The following CDKL3 variants were observed in gnomAD, a reference collection of about 807,000 sequenced individuals.
CDKL3 encodes the protein cyclin dependent kinase like 3, also known as cyclin-dependent kinase-like 3.
In CDKL3, 65 loss-of-function variants were observed where a neutral mutation model predicts 69.3. That is an observed-to-expected ratio of 0.94 (90% CI 0.77 to 1.15). CDKL3 has a LOEUF of 1.15. Ranked by LOEUF, CDKL3 falls within the 50% of genes most tolerant of loss-of-function variation. The pLI is 0.00. For synonymous variants in CDKL3, 202 were observed against 221.6 expected, an observed-to-expected ratio of 0.91 and a Z score of 0.79; for missense variants, 652 against 689.2, an observed-to-expected ratio of 0.95 and a Z score of 0.61.
At chr5:134,350,005 T>A (rs552835608) in intron 4 of CDKL3, among the ~76,000 whole-genome samples, 1 of 151,962 alleles carries the variant, frequency 6.6e-6, no homozygotes, top group African/African-American at 2.4e-5. Flanking sequence ...CTGACCAATA[T>A]TGTGAAACCC....
intron 3 of CDKL3, among the ~76,000 whole-genome samples, chr5:134,354,418 A>T (rs1297813130): frequency 6.6e-6 from 1 of 152,238 alleles, no homozygotes; most frequent in African/African-American, 2.4e-5. Context: ...ACAACTTACT[A>T]CCATAAATCT....
chr5:134,345,203 T>A (rs1287116102), intron 4 of CDKL3, among the ~76,000 whole-genome samples: 4 of 152,102 alleles, frequency 2.6e-5, no homozygotes, highest in Admixed American at 6.6e-5. Context: ...GAAAACTGAC[T>A]GGTGATGGTA....
At chr5:134,328,593 A>G (rs1476440431) in intron 4 of CDKL3, among the ~76,000 whole-genome samples, 4 of 152,134 alleles carry the variant, frequency 2.6e-5, no homozygotes, top group South Asian at 2.1e-4. Flanking sequence ...GAGTGGGGAG[A>G]ATAGAAAAAT....
downstream of CDKL3, among the ~76,000 whole-genome samples, chr5:134,284,834 T>A (rs1764787372): frequency 6.6e-6 from 1 of 152,208 alleles, no homozygotes; most frequent in African/African-American, 2.4e-5. Context: ...GACCTTATGG[T>A]TATCTCCCTT....
intron 12 of CDKL3, among the ~76,000 whole-genome samples, chr5:134,300,976 G>A (rs1269013136): frequency 6.6e-6 from 1 of 151,880 alleles, no homozygotes; most frequent in Non-Finnish European, 1.5e-5. Context: ...TTTTTATAAT[G>A]AACCGAAAGA....
Position 134,319,414 on chromosome 5 carries a change from T to C in CDKL3, c.736A>G (p.Lys246Glu). The change falls in exon 6 of 13, where the codon AAA (lysine) becomes GAA (glutamate). Residue 246 changes from lysine (K) to glutamate (E), a missense_variant. Lys to Glu is a moderately conservative substitution (Grantham distance 56). Transcript: ENST00000265334. ...TTTGGATATTTTTTTCTTGCATTTT[T>C]GGGGTGTTGAACTTGAGGAAGAACT... The part of the protein sequence containing the change: ...GVVLPQVQHP[K>E]NARKKYPKLN... 6.5e-7 allele frequency: 1 copy of C among 1,543,104 alleles called. No individual in the cohort carries two copies. Among genetic ancestry groups the C allele is most frequent in the Non-Finnish European group, 8.7e-7 (1 of 1,144,508 alleles).
chr5:134,303,901 T>TA (rs946903200), intron 11 of CDKL3, among the ~76,000 whole-genome samples: 4 of 151,854 alleles, frequency 2.6e-5, no homozygotes, highest in African/African-American at 9.7e-5. Context: ...AAAGCTGTCT[T>TA]AACCTCTCTT....
upstream of CDKL3, chr5:134,371,512 A>T: frequency 7.0e-7 from 1 of 1,423,614 alleles, no homozygotes; most frequent in Non-Finnish European, 9.3e-7. Flanking sequence ...GGCGATCCAC[A>T]GTGATTCGGC....
downstream of CDKL3, among the ~76,000 whole-genome samples, chr5:134,284,411 C>T (rs1269490458): frequency 6.6e-6 from 1 of 151,992 alleles, no homozygotes; most frequent in East Asian, 1.9e-4. Flanking sequence ...CTTGAAAGGG[C>T]AATAAAAGAT....
downstream of CDKL3, among the ~76,000 whole-genome samples, chr5:134,293,811 A>AT (rs1561485160): frequency 5.9e-5 from 9 of 151,636 alleles, no homozygotes; most frequent in African/African-American, 1.7e-4. Context: ...ACAAAAAAAA[A>AT]TTTTTTAAAT....
chr5:134,351,627 T>TA (rs1753333193), intron 3 of CDKL3, among the ~76,000 whole-genome samples: 1 of 152,022 alleles, frequency 6.6e-6, no homozygotes, highest in Non-Finnish European at 1.5e-5. Context: ...ACTGGCTAAT[T>TA]AAAAAATTTT....
rs750911010 is a variant in CDKL3, at chr5:134,302,612, T to G, written c.1697A>C (p.Asp566Ala). 1.3e-6 allele frequency: 2 copies of G among 1,589,176 alleles called. No individual in the cohort carries two copies. The highest frequency in any genetic ancestry group is 1.7e-6 in the Non-Finnish European group (2 of 1,162,490). ...TACCTCTTGTTTTTCTTGATTTTGA[T>G]CCACGTTAAGTAAAGTTGGTATCTT... Reference protein sequence around the residue: ...SSKIPTLLNVDQNQEKQEGGD... With the variant: ...SSKIPTLLNVAQNQEKQEGGD... The change falls in exon 12 of 13, where the codon GAT (aspartate) becomes GCT (alanine). Residue 566 changes from aspartate to alanine, a missense_variant. Transcript: ENST00000265334.
At position 134,298,506 on chromosome 5, in the gene CDKL3, T is replaced by C. The variant is rs1242522713; in HGVS notation, c.*145A>G. The stretch of plus-strand genomic sequence containing the variant: ...TTAAAAGGGAAAAGAAAACAGTAAA[T>C]GTTTTGCTAACAAAAAAAGCTGGAT... On this transcript the variant is annotated 3_prime_UTR_variant, in exon 13 of 13. Transcript: ENST00000265334. 5 of 1,431,338 alleles carry C rather than the reference T, an allele frequency of 3.5e-6. No individual in the cohort carries two copies. The highest frequency in any genetic ancestry group is 2.4e-5 in the East Asian group (1 of 40,922). 88.7% of individuals were successfully genotyped at this position (1,431,338 alleles called of 1,614,324 possible).
chr5:134,346,561 ATC>A (rs1182412685), intron 4 of CDKL3, among the ~76,000 whole-genome samples: 1 of 152,048 alleles, frequency 6.6e-6, no homozygotes, highest in Non-Finnish European at 1.5e-5. Flanking sequence ...CTGCGGTGCG[ATC>A]TCGGCTCACC....
At chr5:134,284,373 A>G (rs567115742), downstream of CDKL3, among the ~76,000 whole-genome samples, 34 of 152,310 alleles carry the variant, frequency 2.2e-4, no homozygotes, top group African/African-American at 7.9e-4. Flanking sequence ...GGGGATACGA[A>G]CAGGGAGTAA....
intron 6 of CDKL3, 93 bp downstream of exon 6, chr5:134,319,265 G>T: frequency 1.1e-6 from 1 of 906,892 alleles, no homozygotes; most frequent in Non-Finnish European, 1.5e-6. Context: ...GGGAGTCAGA[G>T]GTTGCAGTGA....
At chr5:134,347,491 A>G (rs1752195884) in intron 4 of CDKL3, among the ~76,000 whole-genome samples, 2 of 152,128 alleles carry the variant, frequency 1.3e-5, no homozygotes, top group South Asian at 4.1e-4. Context: ...AAAAAGTAAA[A>G]ATAACCCAGA....
intron 2 of CDKL3, among the ~76,000 whole-genome samples, chr5:134,361,826 C>T (rs1252693626): frequency 6.6e-6 from 1 of 152,170 alleles, no homozygotes; most frequent in African/African-American, 2.4e-5. Context: ...ATCGCTTGAA[C>T]CCAGGAGGTG....
chr5:134,292,831 C>G (rs1019351463), intron 8 of CDKL3, among the ~76,000 whole-genome samples: 1 of 151,690 alleles, frequency 6.6e-6, no homozygotes, highest in Non-Finnish European at 1.5e-5. Context: ...GTCAATACAA[C>G]CAGCAACTTA....
Sources: gnomAD v4.1 joint callset for allele counts (sites outside exome capture counted in the v4.1 genomes callset) on GRCh38, gnomAD v4.1.1 for gene constraint, MANE v1.5 for transcripts, NCBI Gene and HGNC (gene_info 2026-07-23, HGNC 2026-07-21) for gene names.